The following CLNK variants were observed in gnomAD, a reference collection of about 807,000 sequenced individuals.
The protein encoded by CLNK is cytokine dependent hematopoietic cell linker, also known as cytokine-dependent hematopoietic cell linker.
In CLNK, 74 loss-of-function variants were observed where a neutral mutation model predicts 68.6. That is an observed-to-expected ratio of 1.08 (90% CI 0.89 to 1.31). The LOEUF is 1.31. Among genes scored for constraint, CLNK ranks in the 50% most tolerant of loss-of-function variants. The probability of loss-of-function intolerance (pLI) is 0.00; values close to 1 mark genes in which losing one functional copy is unlikely to be tolerated. For synonymous variants in CLNK, 198 were observed against 172.2 expected (o/e 1.15, Z -1.17); for missense variants, 553 against 515.3 (o/e 1.07, Z -0.71).
At chr4:10,562,673 A>G (rs565831780) in intron 7 of CLNK, among the ~76,000 whole-genome samples, 1 of 152,236 alleles carries the variant, frequency 6.6e-6, no homozygotes, top group East Asian at 1.9e-4. Context: ...CAAAGTGCTG[A>G]GATTACAGAC....
intron 11 of CLNK, among the ~76,000 whole-genome samples, chr4:10,537,674 T>C (rs187813099): frequency 0.19 from 8,330 of 43,890 alleles, 313 homozygotes; most frequent in African/African-American, 0.25. Context: ...TTTCTTTCTT[T>C]CTTTCTTCCT....
intron 2 of CLNK, among the ~76,000 whole-genome samples, chr4:10,666,895 G>C (rs1283709223): frequency 6.6e-6 from 1 of 152,086 alleles, no homozygotes; most frequent in Non-Finnish European, 1.5e-5. Context: ...GAGATACCGG[G>C]GCTGTCACAG....
At chr4:10,594,490 C>T (rs949163353) in intron 3 of CLNK, among the ~76,000 whole-genome samples, 56 of 152,342 alleles carry the variant, frequency 3.7e-4, no homozygotes, top group African/African-American at 1.0e-3. Context: ...GGCTCCAGCA[C>T]GTGTCCTTCT....
chr4:10,721,880 T>G, the CLNK span, among the ~76,000 whole-genome samples: 67,481 of 151,902 alleles, frequency 0.44, 15,558 homozygotes, highest in East Asian at 0.58. Flanking sequence ...CTGCTTGGCA[T>G]AAAAATATGA....
At chr4:10,566,323 C>G (rs1168610722) in intron 5 of CLNK, among the ~76,000 whole-genome samples, 173 bp from the exon 6 acceptor site, 1 of 152,170 alleles carries the variant, frequency 6.6e-6, no homozygotes, top group African/African-American at 2.4e-5. Context: ...AGTGAGAATT[C>G]TAAAGATATC....
intron 1 of CLNK, among the ~76,000 whole-genome samples, chr4:10,679,871 G>T (rs1409385103): frequency 2.0e-5 from 3 of 152,052 alleles, no homozygotes; most frequent in African/African-American, 7.2e-5. Context: ...GAAACAACAG[G>T]TGCTGGAGAG....
chr4:10,596,130 ATTCTCC>A (rs1263464881), intron 3 of CLNK, among the ~76,000 whole-genome samples: 1 of 152,154 alleles, frequency 6.6e-6, no homozygotes, highest in Non-Finnish European at 1.5e-5. Flanking sequence ...GGTTCAAGTG[ATTCTCC>A]TGCCTCAGCC....
intron 5 of CLNK, among the ~76,000 whole-genome samples, chr4:10,570,654 A>G (rs1379090092): frequency 6.6e-6 from 1 of 152,200 alleles, no homozygotes; most frequent in Non-Finnish European, 1.5e-5. Context: ...AACAGTAAAG[A>G]GTCAATGAGT....
rs75147191 is a variant in CLNK, at chr4:10,518,134, A to G, written c.772+2657T>C. ...ACAAGACAAGGAGAGGAACATTGGGACTAGCATAGTGGAGGTGCACAATAA... is the reference window on the plus strand; with the variant it reads ...ACAAGACAAGGAGAGGAACATTGGGGCTAGCATAGTGGAGGTGCACAATAA... On this transcript the variant is annotated intron_variant, in intron 15 of 18. Transcript: ENST00000226951. 6.5e-3 allele frequency among the ~76,000 whole-genome samples: 985 copies of G among 152,304 alleles called. 10 individuals carry two copies. The highest frequency in any genetic ancestry group is 0.022 in the African/African-American group (934 of 41,558).
At chr4:10,717,595 A>C in the CLNK span, among the ~76,000 whole-genome samples, 2 of 152,128 alleles carry the variant, frequency 1.3e-5, no homozygotes, top group African/African-American at 4.8e-5. Context: ...GACTCCAAAA[A>C]ACAAAACAGA....
intron 11 of CLNK, among the ~76,000 whole-genome samples, chr4:10,538,142 GTC>G (rs1718871274): frequency 6.6e-6 from 1 of 152,136 alleles, no homozygotes; most frequent in Admixed American, 6.5e-5. Context: ...TTTTGAGACA[GTC>G]TCTCTCTGTT....
chr4:10,665,701 G>A lies in CLNK; in HGVS notation c.11+2158C>T, dbSNP rs188766806. 2.2e-4 allele frequency among the ~76,000 whole-genome samples: 33 copies of A among 150,382 alleles called. 1 individual carries two copies. Among genetic ancestry groups the A allele is most frequent in the Admixed American group, 1.6e-3 (24 of 15,114 alleles). On this transcript the variant is annotated intron_variant, in intron 2 of 18. Transcript: ENST00000226951. ...AAAAAAAAGGCACAGAAGCAGAGAC[G>A]GAAAGGGTGGAAATCTCAGCTGCAA...
intron 4 of CLNK, among the ~76,000 whole-genome samples, chr4:10,578,518 G>A (rs549669732): frequency 4.0e-4 from 60 of 149,026 alleles, no homozygotes; most frequent in African/African-American, 1.4e-3. Context: ...ATGGGTTTGA[G>A]TTCTACTTTG....
the CLNK span, among the ~76,000 whole-genome samples, chr4:10,731,560 A>G: frequency 6.6e-6 from 1 of 152,230 alleles, no homozygotes; most frequent in Non-Finnish European, 1.5e-5. Flanking sequence ...ATCTGTTAAG[A>G]TATTTTGTTA....
chr4:10,531,232 C>T lies in CLNK; in HGVS notation c.630+1024G>A, dbSNP rs116917566. Among the ~76,000 whole-genome samples the T allele has an allele frequency of 1.3e-3, 198 of 152,216 alleles. 1 individual carries two copies. In the East Asian group the frequency reaches 0.015, roughly 12 times the overall value. On this transcript the variant is annotated intron_variant, in intron 12 of 18. Transcript: ENST00000226951. ...TCAGTCATGGTGACCCCACTATCCT[C>T]GTAGGGAACTTTGTCTTTGGGCACT...
chr4:10,693,623 TC>T, the CLNK span, among the ~76,000 whole-genome samples: 1 of 152,218 alleles, frequency 6.6e-6, no homozygotes, highest in South Asian at 2.1e-4. Flanking sequence ...AGGACTCACT[TC>T]TGTTGTTGTA....
intron 3 of CLNK, among the ~76,000 whole-genome samples, chr4:10,596,557 A>C (rs1721395872): frequency 6.6e-6 from 1 of 152,256 alleles, no homozygotes; most frequent in South Asian, 2.1e-4. Context: ...GGAAGATGGT[A>C]GACACAAATT....
intron 1 of CLNK, among the ~76,000 whole-genome samples, chr4:10,673,930 T>C (rs79913395): frequency 0.014 from 2,141 of 152,268 alleles, 56 homozygotes; most frequent in African/African-American, 0.049. Flanking sequence ...GCACAACTCA[T>C]GGTGTGTGTG....
At chr4:10,617,146 A>T (rs1049643067) in intron 2 of CLNK, among the ~76,000 whole-genome samples, 16 of 152,124 alleles carry the variant, frequency 1.1e-4, no homozygotes, top group African/African-American at 3.9e-4. Flanking sequence ...AAAAGAAACA[A>T]AAATCCCATA....
Sources: allele counts gnomAD v4.1 joint callset (sites outside exome capture counted in the v4.1 genomes callset), GRCh38; gene constraint gnomAD v4.1.1; transcripts MANE v1.5; gene names NCBI Gene and HGNC (gene_info 2026-07-23, HGNC 2026-07-21).